Variants in CACNA1C observed in about 807,000 individuals in gnomAD.
CACNA1C encodes calcium voltage-gated channel subunit alpha1 C, also known as voltage-dependent L-type calcium channel subunit alpha-1C.
In CACNA1C, 30 loss-of-function variants were observed where a neutral mutation model predicts 229.0. That is an observed-to-expected ratio of 0.13 (90% CI 0.10 to 0.18). The LOEUF is 0.18. CACNA1C is among the 10% of genes least tolerant of loss of function. CACNA1C has a pLI of 1.00. For synonymous variants in CACNA1C, 1,114 were observed against 1,132.5 expected, an observed-to-expected ratio of 0.98 and a Z score of 0.33; for missense variants, 1,658 against 2,845.0, an observed-to-expected ratio of 0.58 and a Z score of 9.49.
chr12:2,418,332 A>G (rs2098937524), intron 3 of CACNA1C, among the ~76,000 whole-genome samples: 1 of 152,228 alleles, frequency 6.6e-6, no homozygotes, highest in South Asian at 2.1e-4. Flanking sequence ...AGACGCTCCA[A>G]GGAGAGCAAC....
intron 3 of CACNA1C, among the ~76,000 whole-genome samples, chr12:2,253,274 C>T (rs578177040): frequency 2.6e-5 from 4 of 152,348 alleles, no homozygotes; most frequent in African/African-American, 7.2e-5. Context: ...CTTCGAAGCC[C>T]GTCTAAGCCA....
chr12:2,080,118 T>C (rs1595291357), intron 1 of CACNA1C, among the ~76,000 whole-genome samples: 1 of 152,008 alleles, frequency 6.6e-6, no homozygotes, highest in Admixed American at 6.5e-5. Context: ...AAAAATTATC[T>C]GGGCATGGTG....
rs2092570957 is a variant in CACNA1C at position 2,285,768 on chromosome 12, G to T, written c.478-163208G>T. On this transcript the variant is annotated intron_variant, in intron 3 of 46. Coordinates refer to ENST00000399655, the MANE Select transcript of CACNA1C (RefSeq NM_000719.7). The surrounding 1 kb of genome is among the most constrained non-coding windows in gnomAD (Gnocchi z 4.2). ...CTAACGTGCTCATTCGAGAGAGGCT[G>T]GTGCGCACCTACCCAGCGGCTTTTT... 6.6e-6 allele frequency among the ~76,000 whole-genome samples: 1 copy of T among 152,156 alleles called. No homozygotes were observed. Among genetic ancestry groups the T allele is most frequent in the Non-Finnish European group, 1.5e-5 (1 of 68,042 alleles).
At chr12:2,528,720 A>G (rs2154581199) in intron 9 of CACNA1C, among the ~76,000 whole-genome samples, 1 of 152,304 alleles carries the variant, frequency 6.6e-6, no homozygotes, top group African/African-American at 2.4e-5. Context: ...GGTTTTAGGG[A>G]TATTTATGGG....
At chr12:2,515,136 A>T (rs950364117) in intron 9 of CACNA1C, among the ~76,000 whole-genome samples, 9 of 152,168 alleles carry the variant, frequency 5.9e-5, no homozygotes, top group African/African-American at 2.2e-4. Context: ...TGGCTCCTTC[A>T]TTAGTGGAAA....
chr12:2,051,697 G>A (rs1480972116), upstream of CACNA1C, among the ~76,000 whole-genome samples: 6 of 152,204 alleles, frequency 3.9e-5, no homozygotes, highest in Admixed American at 2.0e-4. Flanking sequence ...GTGACTCCAG[G>A]ATTTTGAACT....
At chr12:2,306,050 C>CTG (rs1346644173) in intron 3 of CACNA1C, among the ~76,000 whole-genome samples, 1 of 152,176 alleles carries the variant, frequency 6.6e-6, no homozygotes, top group East Asian at 1.9e-4. Context: ...AGTTATGCAG[C>CTG]TGAGGGTAGT....
At chr12:2,151,108 C>T (rs2095215765) in intron 3 of CACNA1C, among the ~76,000 whole-genome samples, 1 of 152,176 alleles carries the variant, frequency 6.6e-6, no homozygotes, top group Non-Finnish European at 1.5e-5. Flanking sequence ...ATAACAGACT[C>T]TACAAGTGGT....
intron 1 of CACNA1C, among the ~76,000 whole-genome samples, chr12:2,015,814 G>T (rs574420559): frequency 6.6e-6 from 1 of 152,332 alleles, no homozygotes; most frequent in Non-Finnish European, 1.5e-5. Context: ...TACTTGGGCA[G>T]TTCACCTGTC....
chr12:1,985,536 A>T (rs1199573865), intron 1 of CACNA1C, among the ~76,000 whole-genome samples: 1 of 152,186 alleles, frequency 6.6e-6, no homozygotes, highest in Non-Finnish European at 1.5e-5. Context: ...GAGCATGGTA[A>T]TAACTATCTT....
intron 3 of CACNA1C, among the ~76,000 whole-genome samples, chr12:2,306,249 C>T (rs777666156): frequency 6.6e-6 from 1 of 152,200 alleles, no homozygotes; most frequent in African/African-American, 2.4e-5. Context: ...TTCTCAGGCT[C>T]TGGTCCATGG....
chr12:2,247,768 C>G (rs546842363), intron 3 of CACNA1C, among the ~76,000 whole-genome samples: 2 of 152,342 alleles, frequency 1.3e-5, no homozygotes, highest in Non-Finnish European at 2.9e-5. Context: ...TGTGCTTCCT[C>G]TTTTCATTCT....
intron 1 of CACNA1C, among the ~76,000 whole-genome samples, chr12:2,092,176 A>G (rs565245333): frequency 6.8e-4 from 103 of 152,312 alleles, no homozygotes; most frequent in African/African-American, 2.4e-3. Flanking sequence ...GAATAGCAGG[A>G]ATGAAGGGCG....
At chr12:2,076,839 C>A (rs530050088) in intron 1 of CACNA1C, among the ~76,000 whole-genome samples, 6 of 152,208 alleles carry the variant, frequency 3.9e-5, no homozygotes, top group Non-Finnish European at 8.8e-5. Flanking sequence ...GCTCTTTAAA[C>A]ACGCAGTTGC....
chr12:2,214,013 A>G (rs1477867534), intron 3 of CACNA1C, among the ~76,000 whole-genome samples: 1 of 152,164 alleles, frequency 6.6e-6, no homozygotes, highest in East Asian at 1.9e-4. Context: ...TGGCGCTCAC[A>G]TTGGGGAGGG....
chr12:2,544,146 G>A (rs543152748), intron 9 of CACNA1C, among the ~76,000 whole-genome samples: 412 of 148,044 alleles, frequency 2.8e-3, no homozygotes, highest in African/African-American at 9.5e-3. Flanking sequence ...TTTCTGAGAA[G>A]TGAAAAAAAA....
At chr12:2,221,296 C>T (rs528279680) in intron 3 of CACNA1C, among the ~76,000 whole-genome samples, 1 of 152,258 alleles carries the variant, frequency 6.6e-6, no homozygotes, top group South Asian at 2.1e-4. Context: ...AGAATACCAT[C>T]ATTCTGCCTG....
chr12:2,135,213 T>G (rs1596823346), intron 3 of CACNA1C, among the ~76,000 whole-genome samples: 1 of 144,728 alleles, frequency 6.9e-6, no homozygotes, highest in East Asian at 2.0e-4. Context: ...TTCTTCTAAA[T>G]TTTTTTCAAA....
At chr12:2,582,684 T>A in intron 14 of CACNA1C, 138 bp from the exon 15 acceptor site, 2 of 831,982 alleles carry the variant, frequency 2.4e-6, no homozygotes, top group Non-Finnish European at 1.9e-6. Context: ...GGGAGGAGAA[T>A]TGGGGGCCAG....
Sources: gnomAD v4.1 joint callset for allele counts (sites outside exome capture counted in the v4.1 genomes callset) on GRCh38, gnomAD v4.1.1 for gene constraint, Gnocchi (gnomAD v3.1) non-coding constraint, MANE v1.5 for transcripts, NCBI Gene and HGNC (gene_info 2026-07-23, HGNC 2026-07-21) for gene names.